Variants in HSF2BP observed in about 807,000 individuals in gnomAD.
HSF2BP encodes the protein heat shock factor 2-binding protein.
HSF2BP carries 35 observed loss-of-function variants against 35.0 expected under a neutral mutation model. That is an observed-to-expected ratio of 1.00 (90% CI 0.76 to 1.32). The LOEUF (loss-of-function observed/expected upper bound fraction) is 1.32. Among genes scored for constraint, HSF2BP ranks in the 40% most tolerant of loss-of-function variants. The pLI is 0.00. For missense variants in HSF2BP, 326 were observed against 321.7 expected (o/e 1.01, Z -0.10); for synonymous variants, 114 against 117.4 (o/e 0.97, Z 0.18).
At chr21:43,629,622 T>C (rs913113126) in intron 6 of HSF2BP, among the ~76,000 whole-genome samples, 2 of 152,154 alleles carry the variant, frequency 1.3e-5, no homozygotes, top group Admixed American at 1.3e-4. Flanking sequence ...TTGATTTCAA[T>C]CCTCATGGAT....
chr21:43,587,176 T>C (rs148064152), intron 8 of HSF2BP, among the ~76,000 whole-genome samples: 1 of 152,218 alleles, frequency 6.6e-6, no homozygotes, highest in Non-Finnish European at 1.5e-5. Flanking sequence ...TATGAAATTC[T>C]ATAATTTAAG....
chr21:43,605,629 C>G (rs1185773405), intron 7 of HSF2BP, among the ~76,000 whole-genome samples: 1 of 150,712 alleles, frequency 6.6e-6, no homozygotes, highest in Non-Finnish European at 1.5e-5. Flanking sequence ...CCACACACAC[C>G]ATGCATACCA....
chr21:43,576,704 T>C (rs2081648900), intron 8 of HSF2BP, among the ~76,000 whole-genome samples: 1 of 152,224 alleles, frequency 6.6e-6, no homozygotes, highest in Non-Finnish European at 1.5e-5. Flanking sequence ...ATTAAATTTG[T>C]CTAAAGGTCT....
intron 3 of HSF2BP, among the ~76,000 whole-genome samples, chr21:43,656,138 C>T (rs895750239): frequency 3.3e-5 from 5 of 152,156 alleles, no homozygotes; most frequent in Admixed American, 3.3e-4. Context: ...GAATGGACAC[C>T]AGAAAGCCTA....
At chr21:43,627,057 C>T (rs1209074373) in intron 6 of HSF2BP, among the ~76,000 whole-genome samples, 3 of 151,978 alleles carry the variant, frequency 2.0e-5, no homozygotes, top group African/African-American at 7.2e-5. Context: ...TTAATAAAGA[C>T]AGGTTTCCCC....
intron 3 of HSF2BP, among the ~76,000 whole-genome samples, chr21:43,653,215 GGGGAAGGGAAGGGA>G (rs2082817666): frequency 3.7e-5 from 5 of 135,904 alleles, no homozygotes; most frequent in Non-Finnish European, 8.1e-5. Flanking sequence ...GGGAAGGGAA[GGGGAAGGGAAGGGA>G]AGGGGAAGGG....
chr21:43,607,996 AG>A (rs1276456750), intron 7 of HSF2BP, among the ~76,000 whole-genome samples: 4 of 152,254 alleles, frequency 2.6e-5, no homozygotes, highest in Admixed American at 6.5e-5. Context: ...TAAAAGTCCT[AG>A]AACAAAATCT....
chr21:43,608,524 T>C (rs554362277), intron 7 of HSF2BP, among the ~76,000 whole-genome samples: 2 of 152,314 alleles, frequency 1.3e-5, no homozygotes, highest in South Asian at 4.1e-4. Flanking sequence ...TCAGCACCTA[T>C]GGAAAGCAGT....
At chr21:43,616,065 A>G (rs1342891358) in intron 6 of HSF2BP, among the ~76,000 whole-genome samples, 3 of 151,254 alleles carry the variant, frequency 2.0e-5, no homozygotes, top group Non-Finnish European at 4.4e-5. Context: ...ATATATATAT[A>G]TATATCATAG....
intron 3 of HSF2BP, among the ~76,000 whole-genome samples, chr21:43,654,753 G>A (rs1276886529): frequency 2.0e-5 from 3 of 152,236 alleles, no homozygotes; most frequent in African/African-American, 4.8e-5. Context: ...GGGCTAGAGA[G>A]TAAATCCAGC....
chr21:43,649,568 A>T (rs1007067996), intron 3 of HSF2BP, among the ~76,000 whole-genome samples: 1 of 152,210 alleles, frequency 6.6e-6, no homozygotes, highest in Non-Finnish European at 1.5e-5. Context: ...ACATATAAAC[A>T]AATTTTAAAA....
At chr21:43,602,289 G>A (rs1182183985) in intron 7 of HSF2BP, among the ~76,000 whole-genome samples, 3 of 152,184 alleles carry the variant, frequency 2.0e-5, no homozygotes, top group Non-Finnish European at 2.9e-5. Context: ...AAGCATCTTC[G>A]AAAAATGCAA....
Position 43,658,180 on chromosome 21 carries a change from C to A in HSF2BP, c.-84G>T, listed in dbSNP as rs1359301579. ...GCCAGAAAGCGCGGGAACGAATCCA[C>A]GCCGGGGGTCGGGAACGGAGAGCCG... On this transcript the variant is annotated 5_prime_UTR_variant, in exon 2 of 9. Coordinates refer to ENST00000291560, the MANE Select transcript of HSF2BP (RefSeq NM_007031.2). 1.4e-6 allele frequency: 2 copies of A among 1,404,270 alleles called. No homozygotes were observed. Among genetic ancestry groups the A allele is most frequent in the African/African-American group, 1.5e-5 (1 of 67,752 alleles). The allele number at this position is 1,404,270 out of a possible 1,614,324, so 87.0% of individuals were successfully genotyped here.
intron 5 of HSF2BP, 85 bp downstream of exon 5, chr21:43,633,187 T>A (rs1165387117): frequency 7.2e-7 from 1 of 1,396,798 alleles, no homozygotes; most frequent in African/African-American, 1.5e-5. Flanking sequence ...ATGGACTTAG[T>A]CTTTAAATGC....
Position 43,634,831 on chromosome 21 carries a change from C to T in HSF2BP, c.292-1410G>A, listed in dbSNP as rs183562292. ...CTCCTAGATTCATCCTTTCAGTGTA[C>T]GTAGCTGAACACAAGTCATGGTGAC... On this transcript the variant is annotated intron_variant, in intron 4 of 8. Transcript: ENST00000291560. 1.5e-3 allele frequency among the ~76,000 whole-genome samples: 230 copies of T among 152,266 alleles called. 2 individuals carry two copies. Among genetic ancestry groups the T allele is most frequent in the African/African-American group, 5.3e-3 (219 of 41,564 alleles).
chr21:43,621,528 G>GAA (rs762757429), intron 6 of HSF2BP, among the ~76,000 whole-genome samples: 27 of 140,274 alleles, frequency 1.9e-4, no homozygotes, highest in Non-Finnish European at 1.4e-4. Flanking sequence ...TTCTGTCTCA[G>GAA]AAAAAAAAAA....
At chr21:43,636,204 G>A (rs866244677) in intron 4 of HSF2BP, among the ~76,000 whole-genome samples, 1 of 106,866 alleles carries the variant, frequency 9.4e-6, no homozygotes, top group African/African-American at 3.6e-5. Flanking sequence ...AGAAAAAAAA[G>A]AAAGAAAAGA....
At chr21:43,628,720 C>T (rs540822398) in intron 6 of HSF2BP, among the ~76,000 whole-genome samples, 17 of 152,324 alleles carry the variant, frequency 1.1e-4, no homozygotes, top group Middle Eastern at 3.4e-3. Flanking sequence ...GGACTTTCAC[C>T]GCTAGAGAAA....
At chr21:43,647,819 C>G (rs1259799227) in intron 3 of HSF2BP, among the ~76,000 whole-genome samples, 4 of 151,416 alleles carry the variant, frequency 2.6e-5, no homozygotes, top group Non-Finnish European at 5.9e-5. Context: ...GTCCCAGCTA[C>G]TCGGGAGGCT....
Sources: gnomAD v4.1 joint callset for allele counts (sites outside exome capture counted in the v4.1 genomes callset) on GRCh38, gnomAD v4.1.1 for gene constraint, MANE v1.5 for transcripts, NCBI Gene and HGNC (gene_info 2026-07-23, HGNC 2026-07-21) for gene names.